The following MORN1 variants were observed in gnomAD, a reference collection of about 807,000 sequenced individuals.
The protein encoded by MORN1 is MORN repeat containing 1.
Under a neutral mutation model 61.9 loss-of-function variants are expected in MORN1, and 67 were observed. The observed-to-expected ratio is 1.08, with a 90% CI of 0.89 to 1.33. The LOEUF (loss-of-function observed/expected upper bound fraction) is 1.33, where lower values mean the gene tolerates loss of function less well. Ranked by LOEUF, MORN1 falls within the 40% of genes most tolerant of loss-of-function variation. The pLI is 0.00. For missense variants in MORN1, 752 were observed against 691.2 expected (o/e 1.09, Z -0.99); for synonymous variants, 301 against 292.0 (o/e 1.03, Z -0.31).
rs775490015 is a variant in MORN1 at position 2,388,207 on chromosome 1, G to A, written c.247+32C>T. 1.9e-6 allele frequency: 3 copies of A among 1,546,932 alleles called. No individual in the cohort carries two copies. The East Asian group carries it at 6.7e-5, about 35-fold the overall frequency. On this transcript the variant is annotated intron_variant, in intron 3 of 13. Transcript: ENST00000378531. ...ACTGAGCCCGATGGGTTATGAGAAA[G>A]GAGTGAATGTGCCATCCCAGCTAGA...
intron 10 of MORN1, among the ~76,000 whole-genome samples, chr1:2,356,949 T>C (rs1641784652): frequency 6.6e-6 from 1 of 152,096 alleles, no homozygotes; most frequent in Non-Finnish European, 1.5e-5. Flanking sequence ...CACCTGGGCC[T>C]CATCTCCACG....
chr1:2,345,611 G>A (rs2100275812), intron 10 of MORN1, among the ~76,000 whole-genome samples: 1 of 152,308 alleles, frequency 6.6e-6, no homozygotes, highest in Non-Finnish European at 1.5e-5. Flanking sequence ...CAGAGACGGA[G>A]ACGAAGGCAC....
intron 8 of MORN1, among the ~76,000 whole-genome samples, chr1:2,364,039 C>G (rs116330799): frequency 1.2e-4 from 18 of 151,984 alleles, no homozygotes; most frequent in Non-Finnish European, 1.5e-4. Context: ...AAAAGCAAGA[C>G]GACGATATGC....
intron 8 of MORN1, 146 bp from the exon 9 acceptor site, chr1:2,358,861 C>T: frequency 2.1e-6 from 2 of 933,384 alleles, no homozygotes; most frequent in Non-Finnish European, 3.2e-6. Flanking sequence ...GGCTGAGGAC[C>T]CCGGCTTGCC....
rs758030811 is a variant in MORN1 at position 2,336,811 on chromosome 1, C to T, written c.1076G>A (p.Arg359Gln). 49 of 1,598,530 alleles carry T rather than the reference C, an allele frequency of 3.1e-5. No homozygotes were observed. Among genetic ancestry groups the T allele is most frequent in the East Asian group, 9.0e-5 (4 of 44,608 alleles). ...HAPHCPGACQRVEQGCAEFTD... is the reference protein window; with the variant it reads ...HAPHCPGACQQVEQGCAEFTD... ...GAACTCGGCACAGCCCTGCTCCACT[C>T]GCTGACAGGCCCCGGGACAATGGGG... is the stretch of plus-strand genomic sequence containing the variant. Residue 359 changes from arginine to glutamine, a missense_variant, in exon 11 of 14, where the codon CGA becomes CAA. Coordinates refer to ENST00000378531, the MANE Select transcript of MORN1 (RefSeq NM_024848.3).
intron 13 of MORN1, chr1:2,322,174 T>C (rs1224637818): frequency 2.0e-6 from 2 of 985,274 alleles, no homozygotes; most frequent in Non-Finnish European, 2.4e-6. Context: ...TTTCACAGTC[T>C]GTAAACTGTC....
chr1:2,367,894 G>A (rs1642030748), intron 8 of MORN1, among the ~76,000 whole-genome samples: 1 of 152,156 alleles, frequency 6.6e-6, no homozygotes, highest in South Asian at 2.1e-4. Context: ...CTCTCAAAGT[G>A]CTGGGATTAC....
At chr1:2,389,471 C>T (rs1426156442) in intron 2 of MORN1, among the ~76,000 whole-genome samples, 2 of 152,210 alleles carry the variant, frequency 1.3e-5, no homozygotes, top group Non-Finnish European at 2.9e-5. Context: ...TTTCAGCATG[C>T]TGGTCAGGCT....
At chr1:2,382,403 A>T (rs1380308994) in intron 6 of MORN1, among the ~76,000 whole-genome samples, 1 of 152,128 alleles carries the variant, frequency 6.6e-6, no homozygotes, top group Non-Finnish European at 1.5e-5. Context: ...GAGCCAATGC[A>T]CCGAAAGGCT....
At chr1:2,323,128 CTG>C in intron 13 of MORN1, 1 of 985,458 alleles carries the variant, frequency 1.0e-6, no homozygotes, top group Non-Finnish European at 1.2e-6. Context: ...CCGCCCCCTC[CTG>C]GGATGGCTGG....
chr1:2,388,224 C>T lies in MORN1; in HGVS notation c.247+15G>A. Reference sequence around the variant, plus strand: ...ATGAGAAAGGAGTGAATGTGCCATCCCAGCTAGAGCTCACCTGACCAGGCC... The same window carrying T: ...ATGAGAAAGGAGTGAATGTGCCATCTCAGCTAGAGCTCACCTGACCAGGCC... On this transcript the variant is annotated intron_variant, in intron 3 of 13. Transcript: ENST00000378531. 2 of 1,606,330 alleles carry T rather than the reference C, an allele frequency of 1.2e-6. No individual in the cohort carries two copies. The highest frequency in any genetic ancestry group is 3.3e-5 in the Admixed American group (2 of 59,966).
intron 12 of MORN1, among the ~76,000 whole-genome samples, chr1:2,325,119 T>TTCCCTCCCTCCCTCCC (rs1640980109): frequency 1.8e-5 from 1 of 55,630 alleles, no homozygotes. Flanking sequence ...CTTCCCTTCC[T>TTCCCTCCCTCCCTCCC]TCCCTTCCTT....
intron 13 of MORN1, chr1:2,323,030 G>A: frequency 1.0e-6 from 1 of 985,454 alleles, no homozygotes; most frequent in Non-Finnish European, 1.2e-6. Flanking sequence ...CACCCCCAGG[G>A]CTGTCTCCGC....
intron 12 of MORN1, 143 bp from the exon 13 acceptor site, chr1:2,324,286 C>T (rs539571829): frequency 2.5e-6 from 2 of 799,188 alleles, no homozygotes; most frequent in South Asian, 3.5e-5. Flanking sequence ...CACCTCGGGG[C>T]CATGGGCAGG....
At chr1:2,355,156 C>A in intron 10 of MORN1, 1 of 1,135,932 alleles carries the variant, frequency 8.8e-7, no homozygotes, top group East Asian at 5.1e-5. Flanking sequence ...GAAAATCTCT[C>A]CAAGTAGAAG....
chr1:2,369,943 C>T (rs915710470), intron 8 of MORN1, among the ~76,000 whole-genome samples: 4 of 152,316 alleles, frequency 2.6e-5, no homozygotes, highest in Admixed American at 2.0e-4. Flanking sequence ...CCTCCATCAA[C>T]ATTCCAGCAG....
At chr1:2,358,283 C>T (rs1038609939) in intron 9 of MORN1, among the ~76,000 whole-genome samples, 1 of 152,068 alleles carries the variant, frequency 6.6e-6, no homozygotes, top group Non-Finnish European at 1.5e-5. Context: ...CAGGAGCACC[C>T]GAGGGCCGGA....
chr1:2,378,657 C>A (rs954220214), intron 6 of MORN1: 11 of 301,978 alleles, frequency 3.6e-5, no homozygotes, highest in African/African-American at 8.7e-5. Context: ...GAGGGCCGCG[C>A]TGCTGCCAAC....
At position 2,357,667 on chromosome 1, in the gene MORN1, G is replaced by A. The variant is rs1641805735; in HGVS notation, c.870-69C>T. Reference sequence around the variant, plus strand: ...AAACTAGGGTGCAGGCAGACAGCGTGGCCCACGCCCTGGACCCTGGGACTT... The same window carrying A: ...AAACTAGGGTGCAGGCAGACAGCGTAGCCCACGCCCTGGACCCTGGGACTT... On this transcript the variant is annotated intron_variant, in intron 9 of 13. Coordinates refer to ENST00000378531, the MANE Select transcript of MORN1 (RefSeq NM_024848.3). The surrounding 1 kb of genome is among the most constrained non-coding windows in gnomAD (Gnocchi z 6.3). The A allele has an allele frequency of 6.0e-6, 9 of 1,506,390 alleles. No homozygotes were observed. The Admixed American group carries it at 1.9e-4, about 31-fold the overall frequency. 93.3% of individuals were successfully genotyped at this position (1,506,390 alleles called of 1,614,324 possible). A position where few individuals can be genotyped will look rare whatever the true frequency, so the allele number is the denominator to read the frequency against.
Sources: allele counts gnomAD v4.1 joint callset (sites outside exome capture counted in the v4.1 genomes callset), GRCh38; gene constraint gnomAD v4.1.1; non-coding constraint Gnocchi (gnomAD v3.1); transcripts MANE v1.5; gene names NCBI Gene and HGNC (gene_info 2026-07-23, HGNC 2026-07-21).